Variants in ATG10 observed in about 807,000 individuals in gnomAD.
ATG10 encodes autophagy related 10, also known as ubiquitin-like-conjugating enzyme ATG10.
A neutral mutation model predicts 32.1 loss-of-function variants in ATG10; 30 were observed. The observed-to-expected ratio is 0.94, with a 90% CI of 0.70 to 1.27. The LOEUF (loss-of-function observed/expected upper bound fraction) is 1.27. Among genes scored for constraint, ATG10 ranks in the 50% most tolerant of loss-of-function variants. ATG10 has a pLI of 0.00. For missense variants in ATG10, 233 were observed against 262.3 expected (o/e 0.89, Z 0.77); for synonymous variants, 87 against 91.5 (o/e 0.95, Z 0.28).
At chr5:82,120,229 G>T (rs530871171) in intron 3 of ATG10, among the ~76,000 whole-genome samples, 53 of 152,224 alleles carry the variant, frequency 3.5e-4, no homozygotes, top group African/African-American at 1.2e-3. Context: ...TGCTTGACTT[G>T]TTGCAATTAT....
At chr5:82,092,695 T>C (rs1391373614) in intron 3 of ATG10, among the ~76,000 whole-genome samples, 1 of 152,218 alleles carries the variant, frequency 6.6e-6, no homozygotes, top group Non-Finnish European at 1.5e-5. Flanking sequence ...TGGAAGCTTA[T>C]GCTCCAGAGC....
chr5:82,117,585 T>C (rs1765858854), intron 3 of ATG10, among the ~76,000 whole-genome samples: 1 of 152,154 alleles, frequency 6.6e-6, no homozygotes, highest in African/African-American at 2.4e-5. Context: ...CAAAGTACAC[T>C]ATTCTTGTAA....
intron 3 of ATG10, among the ~76,000 whole-genome samples, chr5:82,136,013 C>T (rs1364452539): frequency 1.3e-5 from 2 of 152,036 alleles, no homozygotes; most frequent in African/African-American, 2.4e-5. Context: ...GGTTTAAAGT[C>T]TGTTTTATCA....
intron 3 of ATG10, among the ~76,000 whole-genome samples, chr5:82,083,635 C>T (rs551581100): frequency 6.6e-6 from 1 of 152,284 alleles, no homozygotes; most frequent in South Asian, 2.1e-4. Context: ...CACGAAGCTT[C>T]CAGAGGAAGG....
chr5:82,005,396 G>T (rs928553650), intron 2 of ATG10, among the ~76,000 whole-genome samples: 1 of 152,162 alleles, frequency 6.6e-6, no homozygotes, highest in African/African-American at 2.4e-5. Context: ...CTAGGTTCAG[G>T]CAATTCTCCT....
chr5:81,979,792 GT>G (rs1204892284), intron 1 of ATG10, among the ~76,000 whole-genome samples: 1 of 114,526 alleles, frequency 8.7e-6, no homozygotes, highest in Non-Finnish European at 1.8e-5. Context: ...CAGCAGCTTT[GT>G]TTTTTTTAGA....
At chr5:81,972,747 A>C (rs1024944552) in intron 1 of ATG10, among the ~76,000 whole-genome samples, 2 of 152,236 alleles carry the variant, frequency 1.3e-5, no homozygotes, top group African/African-American at 4.8e-5. Flanking sequence ...TTTAGAGCCA[A>C]CAGGTCTTTC....
chr5:82,198,052 T>C (rs2149957618), intron 5 of ATG10, among the ~76,000 whole-genome samples: 1 of 152,290 alleles, frequency 6.6e-6, no homozygotes, highest in East Asian at 1.9e-4. Flanking sequence ...GGATTGGGCC[T>C]GGGGAAGGTT....
chr5:82,118,205 T>C (rs758971651), intron 3 of ATG10, among the ~76,000 whole-genome samples: 2 of 150,726 alleles, frequency 1.3e-5, no homozygotes, highest in Non-Finnish European at 3.0e-5. Flanking sequence ...TGTAATTACA[T>C]GTGTAATTAA....
chr5:82,142,130 A>G (rs1767176928), intron 3 of ATG10, among the ~76,000 whole-genome samples: 1 of 152,174 alleles, frequency 6.6e-6, no homozygotes, highest in Non-Finnish European at 1.5e-5. Flanking sequence ...AAGCCTCTGA[A>G]TTGCTTCATG....
chr5:82,046,191 A>G (rs746832013), intron 2 of ATG10, among the ~76,000 whole-genome samples: 3 of 152,106 alleles, frequency 2.0e-5, no homozygotes, highest in African/African-American at 7.2e-5. Flanking sequence ...TGCTTCTCCA[A>G]CTGTATTGAG....
At chr5:82,155,531 A>G (rs1767767943) in intron 3 of ATG10, among the ~76,000 whole-genome samples, 1 of 152,242 alleles carries the variant, frequency 6.6e-6, no homozygotes, top group Non-Finnish European at 1.5e-5. Context: ...TTCAGGCTGC[A>G]GCTGCAGAGA....
rs571851139 is a variant in ATG10 at position 81,984,507 on chromosome 5, T to G, written c.-12-3052T>G. Among the ~76,000 whole-genome samples the G allele has an allele frequency of 1.7e-4, 26 of 152,356 alleles. No individual in the cohort carries two copies. In the South Asian group the frequency reaches 5.0e-3, roughly 29 times the overall value. The stretch of plus-strand genomic sequence containing the variant: ...TTCATCTTTTTACTGAGAGTTCACT[T>G]GAGTGACTGTTGTCACCTGTAGTCT... On this transcript the variant is annotated intron_variant, in intron 1 of 7. Coordinates refer to ENST00000282185, the MANE Select transcript of ATG10 (RefSeq NM_031482.5).
Position 82,095,625 on chromosome 5 carries a change from C to T in ATG10, c.216+37023C>T, listed in dbSNP as rs573963397. On this transcript the variant is annotated intron_variant, in intron 3 of 7. Coordinates refer to ENST00000282185, the MANE Select transcript of ATG10 (RefSeq NM_031482.5). ...GTATTTTGTTTCATTTAATTTTAAC[C>T]GGGAGTGGTGTGTATACTTGCAGCT... 2.0e-5 allele frequency among the ~76,000 whole-genome samples: 3 copies of T among 152,052 alleles called. No individual in the cohort carries two copies. The South Asian group carries it at 6.2e-4, about 32-fold the overall frequency.
In ATG10 at chr5:82,164,520, T is replaced by C; in HGVS notation, c.338T>C (p.Phe113Ser). 3 of 1,612,488 alleles carry C rather than the reference T, an allele frequency of 1.9e-6. No individual in the cohort carries two copies. The highest frequency in any genetic ancestry group is 2.5e-6 in the Non-Finnish European group (3 of 1,179,032). Residue 113 changes from phenylalanine to serine, a missense_variant, in exon 4 of 8, where the codon TTT (phenylalanine) becomes TCT (serine). Physicochemically the swap from Phe to Ser is radical, Grantham distance 155 (BLOSUM62 -2). Coordinates refer to ENST00000282185, the MANE Select transcript of ATG10 (RefSeq NM_031482.5). ...AGCTACCAAGTGCCTGTACTTTACT[T>C]TAGGGCAAGCTTTTTAGGTAAGAAC... ...SCSYQVPVLY[F>S]RASFLDGRPL... is the part of the protein sequence containing the mutation.
intron 5 of ATG10, among the ~76,000 whole-genome samples, chr5:82,178,865 T>C (rs991910131): frequency 6.6e-6 from 1 of 152,152 alleles, no homozygotes; most frequent in African/African-American, 2.4e-5. Context: ...AAAATTGATG[T>C]CTGTCTTCTC....
At chr5:81,988,402 G>A (rs1167928599) in intron 2 of ATG10, among the ~76,000 whole-genome samples, 3 of 152,108 alleles carry the variant, frequency 2.0e-5, no homozygotes, top group Admixed American at 1.3e-4. Context: ...GCCTCCCAAA[G>A]TCCTGGGATT....
intron 5 of ATG10, among the ~76,000 whole-genome samples, chr5:82,245,187 A>T (rs1746975831): frequency 6.6e-6 from 1 of 152,224 alleles, no homozygotes; most frequent in South Asian, 2.1e-4. Flanking sequence ...TAGAGTTTAG[A>T]TTTTTTAAAA....
rs1354430744 is a variant in ATG10 at position 82,005,578 on chromosome 5, A to G, written c.108+17900A>G. Among the ~76,000 whole-genome samples, 3 of 152,352 alleles carry G rather than the reference A, an allele frequency of 2.0e-5. No individual in the cohort carries two copies. In the East Asian group the frequency reaches 5.8e-4, roughly 29 times the overall value. ...CCAAAGTGCTGGGATTACAGGCGTG[A>G]GCCACCGCACATTTATAATTATTCT... On this transcript the variant is annotated intron_variant, in intron 2 of 7. Transcript: ENST00000282185.
Sources: allele counts gnomAD v4.1 joint callset (sites outside exome capture counted in the v4.1 genomes callset), GRCh38; gene constraint gnomAD v4.1.1; transcripts MANE v1.5; gene names NCBI Gene and HGNC (gene_info 2026-07-23, HGNC 2026-07-21).